The following PKIB variants were observed in gnomAD, a reference collection of about 807,000 sequenced individuals.
The protein encoded by PKIB is cAMP-dependent protein kinase inhibitor beta, also known as PKI-beta.
Under a neutral mutation model 4.5 loss-of-function variants are expected in PKIB, and 2 were observed. The observed-to-expected ratio is 0.44, with a 90% CI of 0.18 to 1.39. PKIB has a LOEUF of 1.39. Among genes scored for constraint, PKIB ranks in the 40% most tolerant of loss-of-function variants. The pLI, the probability that PKIB is intolerant of heterozygous loss-of-function variation, is 0.27. For synonymous variants in PKIB, 38 were observed against 36.0 expected (o/e 1.06, Z -0.20); for missense variants, 94 against 92.6 (o/e 1.02, Z -0.06).
chr6:122,576,690 A>AAATATATATATATATG (rs1562257601), intron 2 of PKIB, among the ~76,000 whole-genome samples: 1 of 3,158 alleles, frequency 3.2e-4, no homozygotes, highest in Non-Finnish European at 7.0e-4. Flanking sequence ...AAAAAAAAAA[A>AAATATATATATATATG]TATATATATA....
At chr6:122,473,206 G>A (rs1775357262) in intron 1 of PKIB, among the ~76,000 whole-genome samples, 1 of 152,210 alleles carries the variant, frequency 6.6e-6, no homozygotes, top group Non-Finnish European at 1.5e-5. Context: ...GAGAATCCTA[G>A]TATCTCAAGT....
At chr6:122,725,102 C>T (rs1346138798) in intron 4 of PKIB, 26 bp from the exon 5 acceptor site, 1 of 1,518,204 alleles carries the variant, frequency 6.6e-7, no homozygotes, top group Admixed American at 1.8e-5. Flanking sequence ...ATATATTCCA[C>T]ATATGAATGG....
At chr6:122,472,662 T>C (rs1421534076) in intron 1 of PKIB, among the ~76,000 whole-genome samples, 1 of 152,152 alleles carries the variant, frequency 6.6e-6, no homozygotes, top group East Asian at 1.9e-4. Context: ...TCTACAAAAA[T>C]TGCATGGGTC....
At chr6:122,642,985 A>AT (rs1776177221) in intron 2 of PKIB, among the ~76,000 whole-genome samples, 1 of 152,010 alleles carries the variant, frequency 6.6e-6, no homozygotes. Context: ...CAGATTTTTA[A>AT]TTTTTTTAAA....
chr6:122,682,544 G>A (rs970221251), intron 3 of PKIB, among the ~76,000 whole-genome samples: 1 of 151,976 alleles, frequency 6.6e-6, no homozygotes, highest in African/African-American at 2.4e-5. Flanking sequence ...AACTTGAGGG[G>A]TTATTTTGGC....
chr6:122,541,931 T>C (rs530383590), intron 2 of PKIB, among the ~76,000 whole-genome samples: 1 of 152,174 alleles, frequency 6.6e-6, no homozygotes, highest in Non-Finnish European at 1.5e-5. Context: ...ATTTCATTCA[T>C]TTCGTCTTCT....
intron 2 of PKIB, among the ~76,000 whole-genome samples, chr6:122,549,205 G>T (rs6933245): frequency 0.15 from 22,127 of 152,142 alleles, 1,681 homozygotes; most frequent in East Asian, 0.26. Context: ...CTAAGTCAAA[G>T]AATGTGAATA....
intron 1 of PKIB, among the ~76,000 whole-genome samples, chr6:122,621,465 G>A (rs1453059359): frequency 2.0e-5 from 3 of 152,192 alleles, no homozygotes; most frequent in African/African-American, 7.2e-5. Flanking sequence ...CACCATAGGA[G>A]TATGAATCAA....
intron 2 of PKIB, among the ~76,000 whole-genome samples, chr6:122,497,946 G>T (rs1286927771): frequency 6.6e-6 from 1 of 152,104 alleles, no homozygotes; most frequent in Non-Finnish European, 1.5e-5. Flanking sequence ...CATACTCTCA[G>T]ATCGACCCCA....
chr6:122,553,502 T>TTTTTTTTTTTTTTTTTTG (rs1772751124), intron 2 of PKIB, among the ~76,000 whole-genome samples: 1 of 132,520 alleles, frequency 7.5e-6, no homozygotes. Flanking sequence ...TTTTTTTTTT[T>TTTTTTTTTTTTTTTTTTG]TCTGAAAAAG....
chr6:122,555,088 TAAC>T (rs1024190538), intron 2 of PKIB, among the ~76,000 whole-genome samples: 4 of 152,096 alleles, frequency 2.6e-5, no homozygotes, highest in African/African-American at 9.7e-5. Context: ...AATAGAGAAA[TAAC>T]AACCTCTGTG....
chr6:122,521,572 C>G (rs886394045), intron 2 of PKIB, among the ~76,000 whole-genome samples: 1 of 151,872 alleles, frequency 6.6e-6, no homozygotes, highest in Non-Finnish European at 1.5e-5. Context: ...CCCAGCTACT[C>G]AGGAGGCTGA....
At chr6:122,598,469 C>T (rs971290268) in intron 3 of PKIB, among the ~76,000 whole-genome samples, 5 of 152,170 alleles carry the variant, frequency 3.3e-5, no homozygotes, top group Admixed American at 1.3e-4. Flanking sequence ...CAATTATTCC[C>T]ATTGTATTTA....
chr6:122,537,664 C>T (rs1247482867), intron 2 of PKIB, among the ~76,000 whole-genome samples: 3 of 152,122 alleles, frequency 2.0e-5, no homozygotes, highest in Non-Finnish European at 4.4e-5. Context: ...TTTATAGCAG[C>T]ATGATTTATA....
chr6:122,620,952 C>A (rs1339027793), intron 1 of PKIB, among the ~76,000 whole-genome samples: 3 of 152,054 alleles, frequency 2.0e-5, no homozygotes, highest in African/African-American at 7.3e-5. Flanking sequence ...CAGATCCAGA[C>A]CACCTTTTGA....
At chr6:122,631,433 A>G (rs914582468) in intron 1 of PKIB, among the ~76,000 whole-genome samples, 1 of 152,216 alleles carries the variant, frequency 6.6e-6, no homozygotes, top group Non-Finnish European at 1.5e-5. Context: ...ACTCTTTAGA[A>G]CATCACATTT....
intron 3 of PKIB, among the ~76,000 whole-genome samples, chr6:122,602,552 C>T (rs1774401518): frequency 6.6e-6 from 1 of 151,916 alleles, no homozygotes; most frequent in South Asian, 2.1e-4. Flanking sequence ...TTTTCTAATT[C>T]CAGTAGAGTA....
intron 2 of PKIB, among the ~76,000 whole-genome samples, chr6:122,541,313 G>C (rs566334711): frequency 1.3e-5 from 2 of 152,114 alleles, no homozygotes; most frequent in South Asian, 4.1e-4. Flanking sequence ...TTTTGCAGTG[G>C]GTGGTACCGG....
intron 3 of PKIB, among the ~76,000 whole-genome samples, chr6:122,589,884 A>C (rs1212092733): frequency 6.6e-6 from 1 of 152,190 alleles, no homozygotes; most frequent in Non-Finnish European, 1.5e-5. Context: ...TTCAAGTTCA[A>C]ATAAGTGATC....
Sources: gnomAD v4.1 joint callset for allele counts (sites outside exome capture counted in the v4.1 genomes callset) on GRCh38, gnomAD v4.1.1 for gene constraint, MANE v1.5 for transcripts, NCBI Gene and HGNC (gene_info 2026-07-23, HGNC 2026-07-21) for gene names.